CSMD1: variants seen among roughly 807,000 people sequenced by gnomAD.
The protein encoded by CSMD1 is CUB and Sushi multiple domains 1.
Under a neutral mutation model 417.5 loss-of-function variants are expected in CSMD1, and 213 were observed. That is an observed-to-expected ratio of 0.51 (90% CI 0.46 to 0.57). The LOEUF (loss-of-function observed/expected upper bound fraction) is 0.57, where lower values mean the gene tolerates loss of function less well. Among genes scored for constraint, CSMD1 ranks in the 20% least tolerant of loss-of-function variants. The probability of loss-of-function intolerance (pLI) is 0.00; values close to 1 mark genes in which losing one functional copy is unlikely to be tolerated. For missense variants in CSMD1, 6,923 were observed against 4,529.7 expected, an observed-to-expected ratio of 1.53 and a Z score of -15.17; for synonymous variants, 2,862 against 1,736.8, an observed-to-expected ratio of 1.65 and a Z score of -16.11.
At chr8:4,459,536 G>A (rs1047871807) in intron 2 of CSMD1, among the ~76,000 whole-genome samples, 4 of 152,156 alleles carry the variant, frequency 2.6e-5, no homozygotes, top group Non-Finnish European at 5.9e-5. Context: ...GCAATTTAGA[G>A]GAGCCTGGTG....
At chr8:3,956,346 G>T (rs1050166319) in intron 5 of CSMD1, among the ~76,000 whole-genome samples, 1 of 152,148 alleles carries the variant, frequency 6.6e-6, no homozygotes, top group African/African-American at 2.4e-5. Context: ...CAAGATGTTA[G>T]TCAGTTGCCT....
chr8:4,690,876 A>G (rs1044228903), intron 1 of CSMD1, among the ~76,000 whole-genome samples: 3 of 152,106 alleles, frequency 2.0e-5, no homozygotes, highest in African/African-American at 7.2e-5. Context: ...CTATAGGTGC[A>G]TGTCACCATG....
chr8:3,416,443 G>A (rs1813157541), intron 12 of CSMD1, among the ~76,000 whole-genome samples: 2 of 152,160 alleles, frequency 1.3e-5, no homozygotes, highest in South Asian at 2.1e-4. Context: ...AATGAATGTG[G>A]ACTATGATGG....
chr8:4,409,472 C>A (rs955871988), intron 3 of CSMD1, among the ~76,000 whole-genome samples: 2 of 152,124 alleles, frequency 1.3e-5, no homozygotes, highest in East Asian at 1.9e-4. Context: ...GAATGCCTAT[C>A]TACCTAAGTT....
At chr8:4,085,624 T>G (rs1482449220) in intron 3 of CSMD1, among the ~76,000 whole-genome samples, 1 of 152,166 alleles carries the variant, frequency 6.6e-6, no homozygotes, top group African/African-American at 2.4e-5. Flanking sequence ...TCACGGGAAC[T>G]GTGCTAAGTG....
At chr8:3,026,714 C>A (rs1809958959) in intron 51 of CSMD1, among the ~76,000 whole-genome samples, 1 of 152,252 alleles carries the variant, frequency 6.6e-6, no homozygotes, top group African/African-American at 2.4e-5. Flanking sequence ...AGCCCAGAAG[C>A]TGGGCCGTAG....
chr8:4,363,055 T>C (rs369661758), intron 3 of CSMD1, among the ~76,000 whole-genome samples: 6 of 152,136 alleles, frequency 3.9e-5, no homozygotes, highest in East Asian at 3.9e-4. Context: ...AGGGAGAAAA[T>C]TGAATTTTCT....
At chr8:4,478,253 A>G (rs1171134345) in intron 2 of CSMD1, among the ~76,000 whole-genome samples, 1 of 152,176 alleles carries the variant, frequency 6.6e-6, no homozygotes. Flanking sequence ...AGAAATGCTT[A>G]TTTCCCAATT....
At chr8:3,265,110 G>C (rs1163235811) in intron 26 of CSMD1, among the ~76,000 whole-genome samples, 2 of 152,280 alleles carry the variant, frequency 1.3e-5, no homozygotes, top group African/African-American at 4.8e-5. Context: ...CTGGCACCAT[G>C]TTAAGGATTG....
In CSMD1 at chr8:4,237,591, A is replaced by G. The variant is rs577061736; in HGVS notation, c.415+182362T>C. Among the ~76,000 whole-genome samples, 5 of 152,042 alleles carry G rather than the reference A, an allele frequency of 3.3e-5. No homozygotes were observed. In the East Asian group the frequency reaches 7.8e-4, roughly 24 times the overall value. ...GCTCTGTCAACCAAGCTGGAGCACA[A>G]TAGTGTCATCACAACTTACTGCAGC... On this transcript the variant is annotated intron_variant, in intron 3 of 69. Transcript: ENST00000635120.
At chr8:4,456,765 G>T (rs1319234129) in intron 2 of CSMD1, among the ~76,000 whole-genome samples, 1 of 152,042 alleles carries the variant, frequency 6.6e-6, no homozygotes, top group African/African-American at 2.4e-5. Context: ...CTAGGGAGAA[G>T]ACCCATCTGA....
rs555826739 is a variant in CSMD1 at position 4,217,015 on chromosome 8, C to T, written c.416-184916G>A. 5.3e-5 allele frequency among the ~76,000 whole-genome samples: 8 copies of T among 152,268 alleles called. No homozygotes were observed. In the East Asian group the frequency reaches 1.2e-3, roughly 22 times the overall value. ...TTCTCTAACTAGAATTGTCTTGTGT[C>T]TCTTAAAGGATAAGTCTTTGATGCT... On this transcript the variant is annotated intron_variant, in intron 3 of 69. Coordinates refer to ENST00000635120, the MANE Select transcript of CSMD1 (RefSeq NM_033225.6).
chr8:3,413,657 AC>A (rs1812953140), intron 12 of CSMD1, among the ~76,000 whole-genome samples: 1 of 152,192 alleles, frequency 6.6e-6, no homozygotes, highest in Admixed American at 6.5e-5. Context: ...GACTTCTTAC[AC>A]ACTGAGTGTC....
intron 1 of CSMD1, among the ~76,000 whole-genome samples, chr8:4,964,578 G>C (rs781180740): frequency 7.1e-6 from 1 of 139,966 alleles, no homozygotes. Context: ...ACAGAACCAA[G>C]AAGGACAAGA....
Position 3,996,868 on chromosome 8 carries a change from A to T in CSMD1, c.818+1035T>A, listed in dbSNP as rs565637232. 7.2e-5 allele frequency among the ~76,000 whole-genome samples: 11 copies of T among 152,360 alleles called. No individual in the cohort carries two copies. In the South Asian group the frequency reaches 2.3e-3, roughly 32 times the overall value. ...GATTTGGAAAACAAAGTGCAACTCA[A>T]TTCAATTCCAATAATCGGTTTAAAA... On this transcript the variant is annotated intron_variant, in intron 5 of 69. Coordinates refer to ENST00000635120, the MANE Select transcript of CSMD1 (RefSeq NM_033225.6).
chr8:4,234,693 A>C (rs1014549073), intron 3 of CSMD1, among the ~76,000 whole-genome samples: 1 of 152,146 alleles, frequency 6.6e-6, no homozygotes, highest in Non-Finnish European at 1.5e-5. Context: ...TAATGAATGA[A>C]TGGTGTGGTG....
intron 2 of CSMD1, among the ~76,000 whole-genome samples, chr8:4,454,727 G>A (rs1799366048): frequency 6.6e-6 from 1 of 152,138 alleles, no homozygotes; most frequent in Non-Finnish European, 1.5e-5. Context: ...TAAGTAAATG[G>A]ATAAAACTAT....
rs867453107 is a variant in CSMD1 at position 4,359,438 on chromosome 8, G to C, written c.415+60515C>G. Among the ~76,000 whole-genome samples, 6 of 152,090 alleles carry C rather than the reference G, an allele frequency of 3.9e-5. 1 individual carries two copies. Among genetic ancestry groups the C allele is most frequent in the Middle Eastern group, 6.8e-3 (2 of 292 alleles). Reference sequence around the variant, plus strand: ...GCTTTGTTTTTCTTCCTATTTTCTCGAGCAATTTAAAGCTAAGCCATTCTT... The same window carrying C: ...GCTTTGTTTTTCTTCCTATTTTCTCCAGCAATTTAAAGCTAAGCCATTCTT... On this transcript the variant is annotated intron_variant, in intron 3 of 69. Transcript: ENST00000635120.
At chr8:3,709,295 G>C (rs545023560) in intron 6 of CSMD1, among the ~76,000 whole-genome samples, 2 of 152,176 alleles carry the variant, frequency 1.3e-5, no homozygotes, top group South Asian at 4.1e-4. Context: ...GTCCCCATAT[G>C]AGACTGGACC....
Sources: gnomAD v4.1 joint callset for allele counts (sites outside exome capture counted in the v4.1 genomes callset) on GRCh38, gnomAD v4.1.1 for gene constraint, MANE v1.5 for transcripts, NCBI Gene and HGNC (gene_info 2026-07-23, HGNC 2026-07-21) for gene names.